The following CNTN5 variants were observed in gnomAD, a reference collection of about 807,000 sequenced individuals.
The protein encoded by CNTN5 is contactin 5.
A neutral mutation model predicts 129.1 loss-of-function variants in CNTN5; 77 were observed. That is an observed-to-expected ratio of 0.60 (90% CI 0.50 to 0.72). The LOEUF (loss-of-function observed/expected upper bound fraction) is 0.72. CNTN5 is among the 30% of genes least tolerant of loss of function. The pLI is 0.00. For synonymous variants in CNTN5, 509 were observed against 465.6 expected (o/e 1.09, Z -1.20); for missense variants, 1,478 against 1,328.8 (o/e 1.11, Z -1.75).
chr11:99,738,947 G>A (rs1943802575), intron 3 of CNTN5, among the ~76,000 whole-genome samples: 1 of 152,174 alleles, frequency 6.6e-6, no homozygotes, highest in South Asian at 2.1e-4. Flanking sequence ...GTATGTGTAT[G>A]TGTATGTATT....
At chr11:99,371,777 A>G (rs746706175) in intron 2 of CNTN5, among the ~76,000 whole-genome samples, 32 of 152,324 alleles carry the variant, frequency 2.1e-4, no homozygotes, top group Admixed American at 1.5e-3. Context: ...TACATTTAAT[A>G]TAAAACACAC....
intron 6 of CNTN5, among the ~76,000 whole-genome samples, chr11:99,892,980 A>T (rs1949104833): frequency 6.6e-6 from 1 of 152,050 alleles, no homozygotes; most frequent in Admixed American, 6.6e-5. Flanking sequence ...AAGCAATATA[A>T]CTCCTAAATA....
chr11:99,572,530 A>T, intron 3 of CNTN5, among the ~76,000 whole-genome samples: 2 of 152,288 alleles, frequency 1.3e-5, no homozygotes, highest in Middle Eastern at 3.4e-3. Flanking sequence ...TGGCACTATC[A>T]TAAGAGTTTT....
At chr11:100,332,728 A>G (rs1951930766) in intron 21 of CNTN5, among the ~76,000 whole-genome samples, 1 of 152,186 alleles carries the variant, frequency 6.6e-6, no homozygotes, top group Non-Finnish European at 1.5e-5. Context: ...CAGAAAAAGC[A>G]TTTGACAAAA....
chr11:99,971,459 C>G (rs536772650), intron 8 of CNTN5, among the ~76,000 whole-genome samples: 1 of 151,876 alleles, frequency 6.6e-6, no homozygotes, highest in African/African-American at 2.4e-5. Flanking sequence ...AGGAAAATCG[C>G]TTGAACCCGA....
intron 3 of CNTN5, among the ~76,000 whole-genome samples, chr11:99,805,849 A>G (rs1462277522): frequency 6.6e-6 from 1 of 152,226 alleles, no homozygotes; most frequent in African/African-American, 2.4e-5. Context: ...GAAAAATGTC[A>G]CCTAAAAAGC....
At chr11:99,768,942 A>C (rs1332737958) in intron 3 of CNTN5, among the ~76,000 whole-genome samples, 1 of 152,176 alleles carries the variant, frequency 6.6e-6, no homozygotes, top group African/African-American at 2.4e-5. Flanking sequence ...TTATTATACT[A>C]TAGAACACAA....
intron 13 of CNTN5, among the ~76,000 whole-genome samples, chr11:100,123,868 G>A (rs980683255): frequency 1.3e-5 from 2 of 151,848 alleles, no homozygotes; most frequent in Non-Finnish European, 2.9e-5. Flanking sequence ...AAAATTATTA[G>A]CTATAAATCA....
rs551345316 is a variant in CNTN5 at position 99,767,148 on chromosome 11, T to G, written c.56-52396T>G. Among the ~76,000 whole-genome samples, 15 of 152,266 alleles carry G rather than the reference T, an allele frequency of 9.9e-5. No homozygotes were observed. The South Asian group carries it at 3.1e-3, about 32-fold the overall frequency. On this transcript the variant is annotated intron_variant, in intron 3 of 24. Coordinates refer to ENST00000524871, the MANE Select transcript of CNTN5 (RefSeq NM_014361.4). Reference sequence around the variant, plus strand: ...CTTTCTCTACTTCTATCTCTATATCTATCATGTATCTGTTTATTTATTTAT... The same window carrying G: ...CTTTCTCTACTTCTATCTCTATATCGATCATGTATCTGTTTATTTATTTAT...
At chr11:99,288,737 C>G (rs934664115) in intron 1 of CNTN5, among the ~76,000 whole-genome samples, 5 of 151,808 alleles carry the variant, frequency 3.3e-5, no homozygotes, top group Non-Finnish European at 5.9e-5. Context: ...TTCAAAGGCT[C>G]TATGAAAACA....
At chr11:99,944,491 T>C (rs1308167497) in intron 7 of CNTN5, among the ~76,000 whole-genome samples, 3 of 152,012 alleles carry the variant, frequency 2.0e-5, no homozygotes, top group South Asian at 2.1e-4. Flanking sequence ...CTATTCAATG[T>C]AGTATTGGAA....
chr11:99,309,682 A>G (rs1035590072), intron 1 of CNTN5, among the ~76,000 whole-genome samples: 1 of 152,210 alleles, frequency 6.6e-6, no homozygotes, highest in African/African-American at 2.4e-5. Context: ...AAATACCTAC[A>G]GTGAAGCCCA....
At chr11:99,219,663 T>TAAAAA (rs11403866) in intron 1 of CNTN5, among the ~76,000 whole-genome samples, 2 of 144,570 alleles carry the variant, frequency 1.4e-5, no homozygotes, top group Non-Finnish European at 1.5e-5. Flanking sequence ...TGAGTAAGAT[T>TAAAAA]AAAAAAAAAA....
chr11:100,189,266 TAAA>T (rs35445081), intron 13 of CNTN5, among the ~76,000 whole-genome samples: 154 of 130,954 alleles, frequency 1.2e-3, no homozygotes, highest in Admixed American at 1.3e-3. Flanking sequence ...TAAGTTGAAT[TAAA>T]AAAAAAAAAA....
chr11:99,974,283 A>T (rs527413341), intron 8 of CNTN5, among the ~76,000 whole-genome samples: 1 of 152,204 alleles, frequency 6.6e-6, no homozygotes, highest in African/African-American at 2.4e-5. Flanking sequence ...GTACACGCCT[A>T]ATCTTTATAC....
At position 100,127,095 on chromosome 11, in the gene CNTN5, ATTTTTTTTTTTTTT is replaced by A. The variant is rs5794039; in HGVS notation, c.1580+52815_1580+52828del. 7.0e-5 allele frequency among the ~76,000 whole-genome samples: 6 copies of A among 85,626 alleles called. No homozygotes were observed. The East Asian group carries it at 1.7e-3, about 24-fold the overall frequency. 56.2% of individuals were successfully genotyped at this position (85,626 alleles called of 152,430 possible). The stretch of plus-strand genomic sequence containing the variant: ...AGGTGCACACCACCATGCGCAGCTA[ATTTTTTTTTTTTTT>A]TTTTTTTTTTTTTAGAGATAGGGTT... On this transcript the variant is annotated intron_variant, in intron 13 of 24. Coordinates refer to ENST00000524871, the MANE Select transcript of CNTN5 (RefSeq NM_014361.4).
intron 9 of CNTN5, among the ~76,000 whole-genome samples, chr11:100,008,130 T>A (rs921161460): frequency 1.3e-5 from 2 of 151,944 alleles, no homozygotes. Context: ...GTTACAATAA[T>A]AACATTGAAA....
chr11:99,600,882 C>T (rs1950292081), intron 3 of CNTN5, among the ~76,000 whole-genome samples: 1 of 152,172 alleles, frequency 6.6e-6, no homozygotes, highest in African/African-American at 2.4e-5. Context: ...TCCAGTTGAT[C>T]ATTGTTAATT....
At chr11:99,094,258 A>G (rs1057277048) in intron 1 of CNTN5, among the ~76,000 whole-genome samples, 9 of 152,142 alleles carry the variant, frequency 5.9e-5, no homozygotes, top group Admixed American at 1.3e-4. Context: ...TCTCATTAAT[A>G]TGTCATTATT....
Sources: allele counts gnomAD v4.1 joint callset (sites outside exome capture counted in the v4.1 genomes callset), GRCh38; gene constraint gnomAD v4.1.1; transcripts MANE v1.5; gene names NCBI Gene and HGNC (gene_info 2026-07-23, HGNC 2026-07-21).